Variants in CNOT9 observed in about 807,000 individuals in gnomAD.
The protein encoded by CNOT9 is RCD1 required for cell differentiation1 homolog.
A neutral mutation model predicts 37.4 loss-of-function variants in CNOT9; 8 were observed. The observed-to-expected ratio is 0.21, with a 90% CI of 0.13 to 0.39. The LOEUF (loss-of-function observed/expected upper bound fraction) is 0.39, where lower values mean the gene tolerates loss of function less well. Among genes scored for constraint, CNOT9 ranks in the 10% least tolerant of loss-of-function variants. The probability of loss-of-function intolerance (pLI) is 1.00; values close to 1 mark genes in which losing one functional copy is unlikely to be tolerated. For synonymous variants in CNOT9, 120 were observed against 137.6 expected (o/e 0.87, Z 0.90); for missense variants, 154 against 365.3 (o/e 0.42, Z 4.71).
rs1694532042 is a variant in CNOT9 at position 218,584,693 on chromosome 2, T to C, written c.402T>C (p.Tyr134=). The change falls in exon 4 of 8, where the codon TAT becomes TAC. Residue 134 remains tyrosine (Y), a synonymous_variant. Transcript: ENST00000273064. ...HTVSKTRPFE[Y]LRLTSLGVIG... is the part of the protein sequence containing the mutation. ...TCAGCAAAACACGTCCCTTTGAGTA[T>C]CTCCGGCTCACCAGCCTTGGAGTTA... 2 of 1,613,262 alleles carry C rather than the reference T, an allele frequency of 1.2e-6. No homozygotes were observed. The highest frequency in any genetic ancestry group is 1.7e-6 in the Non-Finnish European group (2 of 1,179,214).
rs554027518 is a variant in CNOT9 at position 218,594,641 on chromosome 2, C to T, written c.*365C>T. 4.6e-6 allele frequency: 1 copy of T among 218,286 alleles called. No individual in the cohort carries two copies. Among genetic ancestry groups the T allele is most frequent in the Non-Finnish European group, 9.0e-6 (1 of 110,802 alleles). The allele number at this position is 218,286 out of a possible 1,614,324, so 13.5% of individuals were successfully genotyped here. On this transcript the variant is annotated 3_prime_UTR_variant, in exon 8 of 8. Transcript: ENST00000273064. ...GGAGACAGTGGTGATAGCAGCAGCA[C>T]TCTAGGCATGGTGAACGCCTGGGAC...
chr2:218,568,872 T>G lies in CNOT9; in HGVS notation c.-83T>G. ...GTCGGATGGCGGCTACGGCGGCTCA[T>G]TGTTTTCCGCTGCAGGGGTGCTGAA... On this transcript the variant is annotated 5_prime_UTR_variant, in exon 1 of 8. Transcript: ENST00000273064. The G allele has an allele frequency of 2.0e-6, 3 of 1,497,564 alleles. No individual in the cohort carries two copies. Among genetic ancestry groups the G allele is most frequent in the East Asian group, 2.5e-5 (1 of 40,796 alleles). The allele number at this position is 1,497,564 out of a possible 1,614,324, so 92.8% of individuals were successfully genotyped here.
chr2:218,569,103 C>A, intron 1 of CNOT9, 125 bp downstream of exon 1: 1 of 1,001,230 alleles, frequency 1.0e-6, no homozygotes, highest in East Asian at 2.9e-5. Flanking sequence ...TCTCCAAGGC[C>A]CCGGTTCCCC....
At chr2:218,583,121 T>G (rs1363331248) in intron 3 of CNOT9, 35 bp downstream of exon 3, 1 of 1,315,898 alleles carries the variant, frequency 7.6e-7, no homozygotes, top group Non-Finnish European at 1.1e-6. Context: ...GGGGGAGATA[T>G]ACATTGAATA....
At chr2:218,590,350 A>G (rs1211805654) in intron 5 of CNOT9, among the ~76,000 whole-genome samples, 1 of 152,226 alleles carries the variant, frequency 6.6e-6, no homozygotes, top group African/African-American at 2.4e-5. Context: ...ATTTTATACA[A>G]TATTTTGTAT....
rs545583291 is a variant in CNOT9, at chr2:218,594,538, A to G, written c.*262A>G. On this transcript the variant is annotated 3_prime_UTR_variant, in exon 8 of 8. Coordinates refer to ENST00000273064, the MANE Select transcript of CNOT9 (RefSeq NM_005444.3). ...CCACCACAGCCCCAGGAGGGTGTCA[A>G]CACCAGCAAATGCTGTATTTGCAGC... The G allele has an allele frequency of 2.1e-5, 10 of 481,260 alleles. No individual in the cohort carries two copies. The highest frequency in any genetic ancestry group is 2.0e-4 in the South Asian group (7 of 34,374). 29.8% of individuals were successfully genotyped at this position (481,260 alleles called of 1,614,324 possible).
At position 218,592,787 on chromosome 2, in the gene CNOT9, G is replaced by A; in HGVS notation, c.731+80G>A. The A allele has an allele frequency of 1.8e-6, 2 of 1,120,384 alleles. No individual in the cohort carries two copies. Among genetic ancestry groups the A allele is most frequent in the Non-Finnish European group, 2.7e-6 (2 of 735,022 alleles). The allele number at this position is 1,120,384 out of a possible 1,614,324, so 69.4% of individuals were successfully genotyped here. On this transcript the variant is annotated intron_variant, in intron 7 of 7. Transcript: ENST00000273064. The surrounding 1 kb of genome is among the most constrained non-coding windows in gnomAD (Gnocchi z 4.1). Reference sequence around the variant, plus strand: ...CCTAATCTCATGGCATAGCTCCTGTGTCTTTAGGACAGGGAAGTGGGGATA... The same window carrying A: ...CCTAATCTCATGGCATAGCTCCTGTATCTTTAGGACAGGGAAGTGGGGATA...
chr2:218,584,860 A>G, intron 4 of CNOT9, 139 bp downstream of exon 4: 1 of 669,526 alleles, frequency 1.5e-6, no homozygotes, highest in Non-Finnish European at 2.7e-6. Flanking sequence ...ACTAATCAAT[A>G]AGTATCAGGA....
At chr2:218,571,412 G>A (rs1367797647) in intron 1 of CNOT9, among the ~76,000 whole-genome samples, 2 of 152,060 alleles carry the variant, frequency 1.3e-5, no homozygotes, top group Non-Finnish European at 2.9e-5. Context: ...GAGCAACATA[G>A]CAAGACTTTG....
chr2:218,574,548 CTCA>C (rs1212712812), intron 1 of CNOT9, among the ~76,000 whole-genome samples: 2 of 152,158 alleles, frequency 1.3e-5, no homozygotes, highest in African/African-American at 4.8e-5. Flanking sequence ...CCAGATAGAA[CTCA>C]TCGATTCTAG....
At chr2:218,591,886 A>G (rs1309406206) in intron 5 of CNOT9, among the ~76,000 whole-genome samples, 2 of 152,232 alleles carry the variant, frequency 1.3e-5, no homozygotes, top group Admixed American at 6.5e-5. Context: ...GCTGTGCCAT[A>G]GTAACTTTGT....
At chr2:218,569,026 C>T (rs760868229) in intron 1 of CNOT9, 48 bp downstream of exon 1, 2 of 1,604,732 alleles carry the variant, frequency 1.2e-6, no homozygotes, top group Non-Finnish European at 1.7e-6. Flanking sequence ...TTTCTCAGAC[C>T]CACGTTTCGG....
chr2:218,588,074 GGTACAGAATTCTTACTCATT>G (rs1196445922), intron 5 of CNOT9, among the ~76,000 whole-genome samples: 3 of 151,992 alleles, frequency 2.0e-5, no homozygotes, highest in Non-Finnish European at 4.4e-5. Flanking sequence ...AACATGACAA[GGTACAGAATTCTTACTCATT>G]GTACAGAATT....
intron 7 of CNOT9, chr2:218,593,588 C>G: frequency 6.7e-7 from 1 of 1,494,524 alleles, no homozygotes. Context: ...TTTAAAAGTT[C>G]ATCTGATAAT....
chr2:218,589,518 T>C (rs1250814957), intron 5 of CNOT9, among the ~76,000 whole-genome samples: 1 of 152,150 alleles, frequency 6.6e-6, no homozygotes, highest in African/African-American at 2.4e-5. Flanking sequence ...TTATTTTTTG[T>C]AAAGACAAGG....
chr2:218,572,454 C>A (rs1016493376), intron 1 of CNOT9, among the ~76,000 whole-genome samples: 1 of 152,124 alleles, frequency 6.6e-6, no homozygotes. Flanking sequence ...ACCTATAATC[C>A]CAGCACTTTG....
At chr2:218,585,115 T>G (rs1694544788) in intron 4 of CNOT9, among the ~76,000 whole-genome samples, 1 of 152,106 alleles carries the variant, frequency 6.6e-6, no homozygotes. Flanking sequence ...TCTGATAGGG[T>G]CTTGCTGTGT....
Position 218,596,538 on chromosome 2 carries a change from A to AACACACACAC in CNOT9, c.*2276_*2285dup, listed in dbSNP as rs36013982. 6 of 150,028 alleles carry AACACACACAC rather than the reference A, an allele frequency of 4.0e-5. No individual in the cohort carries two copies. Among genetic ancestry groups the AACACACACAC allele is most frequent in the African/African-American group, 1.5e-4 (6 of 41,130 alleles). The allele number at this position is 150,028 out of a possible 1,614,324, so 9.3% of individuals were successfully genotyped here. The stretch of plus-strand genomic sequence containing the variant: ...GCTTCTCCCCTCTGTCTACCTACAC[A>AACACACACAC]ACACACACACACACACACACACAGC... On this transcript the variant is annotated 3_prime_UTR_variant, in exon 8 of 8. Transcript: ENST00000273064.
chr2:218,585,309 A>T (rs962968379), intron 4 of CNOT9, among the ~76,000 whole-genome samples: 3 of 152,196 alleles, frequency 2.0e-5, no homozygotes, highest in Non-Finnish European at 4.4e-5. Context: ...TACACTAAGC[A>T]TTCTGAAAAC....
Sources: allele counts gnomAD v4.1 joint callset (sites outside exome capture counted in the v4.1 genomes callset), GRCh38; gene constraint gnomAD v4.1.1; non-coding constraint Gnocchi (gnomAD v3.1); transcripts MANE v1.5; gene names NCBI Gene and HGNC (gene_info 2026-07-23, HGNC 2026-07-21).